The following CNTNAP2 variants were observed in gnomAD, a reference collection of about 807,000 sequenced individuals.
The protein encoded by CNTNAP2 is contactin-associated protein-like 2.
CNTNAP2 carries 98 observed loss-of-function variants against 155.2 expected under a neutral mutation model. That is an observed-to-expected ratio of 0.63 (90% CI 0.54 to 0.75). CNTNAP2 has a LOEUF of 0.75. CNTNAP2 is among the 30% of genes least tolerant of loss of function. The pLI is 0.00. For missense variants in CNTNAP2, 1,727 were observed against 1,688.1 expected (o/e 1.02, Z -0.40); for synonymous variants, 651 against 631.2 (o/e 1.03, Z -0.47).
Position 147,346,151 on chromosome 7 carries a change from T to A in CNTNAP2, c.1498+45861T>A, listed in dbSNP as rs201808683. On this transcript the variant is annotated intron_variant, in intron 9 of 23. Coordinates refer to ENST00000361727, the MANE Select transcript of CNTNAP2 (RefSeq NM_014141.6). ...AGATTTTATTTTATTTTATTTTATTTTATTTTTTTTTTTTGAGACAGAGTC... is the reference window on the plus strand; with the variant it reads ...AGATTTTATTTTATTTTATTTTATTATATTTTTTTTTTTTGAGACAGAGTC... Among the ~76,000 whole-genome samples the A allele has an allele frequency of 1.6e-3, 74 of 45,728 alleles. 3 individuals carry two copies. The highest frequency in any genetic ancestry group is 0.014 in the African/African-American group (65 of 4,558). The allele number at this position is 45,728 out of a possible 152,430, so 30.0% of individuals were successfully genotyped here.
Position 146,630,289 on chromosome 7 carries a change from C to T in CNTNAP2, c.98-143982C>T, listed in dbSNP as rs998210000. Among the ~76,000 whole-genome samples the T allele has an allele frequency of 3.3e-5, 5 of 152,100 alleles. No individual in the cohort carries two copies. In the South Asian group the frequency reaches 1.0e-3, roughly 32 times the overall value. Reference sequence around the variant, plus strand: ...GAGAATGATGGCTTCCAGCTTCATCCATGTCCCTGCAAAGGACATGAACTC... The same window carrying T: ...GAGAATGATGGCTTCCAGCTTCATCTATGTCCCTGCAAAGGACATGAACTC... On this transcript the variant is annotated intron_variant, in intron 1 of 23. Coordinates refer to ENST00000361727, the MANE Select transcript of CNTNAP2 (RefSeq NM_014141.6).
At chr7:148,187,298 G>A (rs1245930595) in intron 18 of CNTNAP2, among the ~76,000 whole-genome samples, 1 of 152,154 alleles carries the variant, frequency 6.6e-6, no homozygotes, top group Non-Finnish European at 1.5e-5. Flanking sequence ...AATATATGAG[G>A]AGAGGAATAA....
intron 17 of CNTNAP2, among the ~76,000 whole-genome samples, chr7:148,163,815 C>A (rs181286366): frequency 6.6e-6 from 1 of 152,314 alleles, no homozygotes; most frequent in East Asian, 1.9e-4. Context: ...GAATATGGAG[C>A]AATTTCCTTT....
chr7:146,907,319 G>T (rs572849672), intron 3 of CNTNAP2, among the ~76,000 whole-genome samples: 5 of 144,178 alleles, frequency 3.5e-5, no homozygotes, highest in Non-Finnish European at 7.5e-5. Context: ...GATACTCCTC[G>T]AGAAGAGCAA....
At chr7:147,551,068 G>T (rs1351316489) in intron 11 of CNTNAP2, among the ~76,000 whole-genome samples, 1 of 152,120 alleles carries the variant, frequency 6.6e-6, no homozygotes, top group African/African-American at 2.4e-5. Flanking sequence ...TTATGATATG[G>T]TTCTTATGTG....
chr7:146,760,355 C>A (rs940734024), intron 1 of CNTNAP2, among the ~76,000 whole-genome samples: 3 of 145,144 alleles, frequency 2.1e-5, no homozygotes, highest in African/African-American at 7.7e-5. Context: ...ACTTTCTTCT[C>A]TTGTCATTCC....
At chr7:147,955,676 C>T (rs1039505787) in intron 14 of CNTNAP2, among the ~76,000 whole-genome samples, 1 of 152,126 alleles carries the variant, frequency 6.6e-6, no homozygotes, top group Non-Finnish European at 1.5e-5. Context: ...TGCTCCCCAC[C>T]TCAGCTATCA....
chr7:147,556,780 T>C (rs1204331687), intron 11 of CNTNAP2, among the ~76,000 whole-genome samples: 24 of 152,188 alleles, frequency 1.6e-4, no homozygotes, highest in Admixed American at 1.6e-3. Context: ...TGTATCATTA[T>C]TATTAACAGA....
At chr7:148,121,211 T>A (rs1804588539) in intron 16 of CNTNAP2, among the ~76,000 whole-genome samples, 1 of 152,108 alleles carries the variant, frequency 6.6e-6, no homozygotes, top group South Asian at 2.1e-4. Flanking sequence ...ATTTTTGTAT[T>A]TTTAGTAGAG....
At position 148,365,772 on chromosome 7, in the gene CNTNAP2, ACATG is replaced by A. The variant is rs1798736024; in HGVS notation, c.3476-17876_3476-17873del. ...TATACATGTATGTGTATACGTGTAT[ACATG>A]TATGTGTATGCATGTATACATGCAT... On this transcript the variant is annotated intron_variant, in intron 21 of 23. Transcript: ENST00000361727. Among the ~76,000 whole-genome samples, 16 of 83,370 alleles carry A rather than the reference ACATG, an allele frequency of 1.9e-4. 6 individuals carry two copies. The highest frequency in any genetic ancestry group is 6.7e-4 in the Admixed American group (7 of 10,480). The allele number at this position is 83,370 out of a possible 152,430, so 54.7% of individuals were successfully genotyped here. A position where few individuals can be genotyped will look rare whatever the true frequency, so the allele number is the denominator to read the frequency against.
In CNTNAP2 at chr7:147,627,713, AAG is replaced by A. The variant is rs1160092132; in HGVS notation, c.1898-11391_1898-11390del. Among the ~76,000 whole-genome samples, 329 of 141,670 alleles carry A rather than the reference AAG, an allele frequency of 2.3e-3. 4 individuals carry two copies. The highest frequency in any genetic ancestry group is 8.4e-3 in the African/African-American group (297 of 35,518). The allele number at this position is 141,670 out of a possible 152,430, so 92.9% of individuals were successfully genotyped here. On this transcript the variant is annotated intron_variant, in intron 12 of 23. Transcript: ENST00000361727. Reference sequence around the variant, plus strand: ...TCTCAAAAAAAAAAAAAAAAAAAAAAAGATATTAAAACAAAATACAGGATATG... The same window carrying A: ...TCTCAAAAAAAAAAAAAAAAAAAAAAATATTAAAACAAAATACAGGATATG...
At chr7:148,174,244 C>T (rs1221730157) in intron 18 of CNTNAP2, among the ~76,000 whole-genome samples, 1 of 152,226 alleles carries the variant, frequency 6.6e-6, no homozygotes, top group Non-Finnish European at 1.5e-5. Context: ...ACCTCCTTGA[C>T]TTGGTAGAAT....
At chr7:148,304,790 T>C (rs1797459160) in intron 21 of CNTNAP2, among the ~76,000 whole-genome samples, 1 of 152,154 alleles carries the variant, frequency 6.6e-6, no homozygotes, top group Non-Finnish European at 1.5e-5. Context: ...CCAACAACTC[T>C]CCTCCATGGC....
chr7:148,327,180 C>A (rs886672203), intron 21 of CNTNAP2, among the ~76,000 whole-genome samples: 1 of 152,272 alleles, frequency 6.6e-6, no homozygotes, highest in South Asian at 2.1e-4. Context: ...CTCCCAGGGG[C>A]TGCTGCAGTG....
intron 3 of CNTNAP2, among the ~76,000 whole-genome samples, chr7:147,019,552 G>A (rs966233622): frequency 3.9e-5 from 6 of 152,032 alleles, no homozygotes; most frequent in Admixed American, 6.6e-5. Flanking sequence ...TGTGGGTAGA[G>A]CTGTCAGTAT....
intron 13 of CNTNAP2, among the ~76,000 whole-genome samples, chr7:147,749,165 T>G (rs17133830): frequency 0.011 from 1,668 of 152,346 alleles, 96 homozygotes; most frequent in Admixed American, 0.087. Flanking sequence ...TAAATGTGTT[T>G]GGCAAATTTT....
At chr7:146,560,477 T>C (rs73741751) in intron 1 of CNTNAP2, among the ~76,000 whole-genome samples, 4,555 of 148,114 alleles carry the variant, frequency 0.031, 222 homozygotes, top group African/African-American at 0.11. Flanking sequence ...TGTGTGTGTG[T>C]ATATATATAT....
At chr7:147,942,585 C>A (rs1800745088) in intron 14 of CNTNAP2, among the ~76,000 whole-genome samples, 2 of 152,130 alleles carry the variant, frequency 1.3e-5, no homozygotes, top group Admixed American at 6.5e-5. Context: ...AATAGCACTG[C>A]TCAATATTTT....
At chr7:146,910,379 G>T (rs1562997528) in intron 3 of CNTNAP2, among the ~76,000 whole-genome samples, 1 of 149,366 alleles carries the variant, frequency 6.7e-6, no homozygotes, top group Admixed American at 6.6e-5. Flanking sequence ...AAAGCTGGAG[G>T]CATCACACTA....
Sources: allele counts gnomAD v4.1 joint callset (sites outside exome capture counted in the v4.1 genomes callset), GRCh38; gene constraint gnomAD v4.1.1; transcripts MANE v1.5; gene names NCBI Gene and HGNC (gene_info 2026-07-23, HGNC 2026-07-21).